The following SLX9 variants were observed in gnomAD, a reference collection of about 807,000 sequenced individuals.
SLX9 encodes the protein SLX9 ribosome biogenesis factor.
Under a neutral mutation model 20.8 loss-of-function variants are expected in SLX9, and 19 were observed. The ratio of observed to expected loss-of-function variants is 0.91; its 90% CI spans 0.64 to 1.34. The LOEUF (loss-of-function observed/expected upper bound fraction) is 1.34, where lower values mean the gene tolerates loss of function less well. Among genes scored for constraint, SLX9 ranks in the 40% most tolerant of loss-of-function variants. The pLI is 0.00. For missense variants in SLX9, 299 were observed against 322.2 expected (o/e 0.93, Z 0.55); for synonymous variants, 113 against 137.1 (o/e 0.82, Z 1.23).
chr21:44,967,710 C>T (rs894175040), intron 4 of SLX9, among the ~76,000 whole-genome samples: 8 of 152,166 alleles, frequency 5.3e-5, no homozygotes, highest in East Asian at 1.9e-4. Flanking sequence ...CCCGTGAGGA[C>T]GGCTCAGGCC....
Position 44,972,379 on chromosome 21 carries a change from C to T in SLX9, c.501-818C>T, listed in dbSNP as rs140784729. The stretch of plus-strand genomic sequence containing the variant: ...AACTGAGGGTGAGAAGCTCCGCGGG[C>T]AGCCGGAGCCTGCCTGGGGTGGACG... On this transcript the variant is annotated intron_variant, in intron 4 of 5. Coordinates refer to ENST00000291634, the MANE Select transcript of SLX9 (RefSeq NM_058190.4). 1.7e-3 allele frequency among the ~76,000 whole-genome samples: 262 copies of T among 152,332 alleles called. 5 individuals are homozygous for T. Among genetic ancestry groups the T allele is most frequent in the East Asian group, 1.4e-3 (7 of 5,180 alleles).
chr21:44,969,282 C>T (rs532843145), intron 4 of SLX9: 3 of 451,224 alleles, frequency 6.6e-6, no homozygotes, highest in African/African-American at 2.0e-5. Context: ...CCCGGAGTGG[C>T]GATGTGATGA....
intron 4 of SLX9, among the ~76,000 whole-genome samples, chr21:44,967,852 G>A (rs1437280765): frequency 6.6e-6 from 1 of 152,166 alleles, no homozygotes; most frequent in East Asian, 1.9e-4. Context: ...TGATGTGAGT[G>A]CGGTTGCTCT....
intron 3 of SLX9, among the ~76,000 whole-genome samples, chr21:44,962,185 C>T (rs1197642506): frequency 1.3e-5 from 2 of 151,988 alleles, no homozygotes; most frequent in Non-Finnish European, 1.5e-5. Context: ...ATTGTATTTA[C>T]ATAAAATGAA....
intron 2 of SLX9, among the ~76,000 whole-genome samples, chr21:44,946,146 T>G (rs988709833): frequency 3.9e-5 from 6 of 152,288 alleles, no homozygotes; most frequent in African/African-American, 7.2e-5. Flanking sequence ...CAGAACCATG[T>G]TATCAGAGTA....
chr21:44,948,246 G>A (rs1032138512), intron 2 of SLX9, among the ~76,000 whole-genome samples: 13 of 151,322 alleles, frequency 8.6e-5, no homozygotes, highest in South Asian at 4.2e-4. Flanking sequence ...CGGGCGGTCC[G>A]GGGAGCTGGT....
At chr21:44,976,037 C>T (rs1238954011) in intron 5 of SLX9, among the ~76,000 whole-genome samples, 1 of 152,264 alleles carries the variant, frequency 6.6e-6, no homozygotes, top group Non-Finnish European at 1.5e-5. Flanking sequence ...GCAGCTGCGG[C>T]AGAGCCCGTC....
At chr21:44,943,613 TA>T in intron 1 of SLX9, 70 bp from the exon 2 acceptor site, 1 of 1,584,086 alleles carries the variant, frequency 6.3e-7, no homozygotes, top group Non-Finnish European at 8.6e-7. Flanking sequence ...TCCTCACCTT[TA>T]ACGTCCCTCT....
In SLX9 at chr21:44,976,671, T is replaced by C; in HGVS notation, c.570-9T>C. 1 of 1,580,002 alleles carries C rather than the reference T, an allele frequency of 6.3e-7. No homozygotes were observed. The highest frequency in any genetic ancestry group is 1.2e-5 in the South Asian group (1 of 86,860). ...CCTGCCTGCTGATCTGTGGTCTCCA[T>C]TCTTTCAGCGAGGAAGAAAGGACCC... On this transcript the variant is annotated splice_polypyrimidine_tract_variant and intron_variant, in intron 5 of 5. Transcript: ENST00000291634.
chr21:44,942,147 G>A (rs2084561685), intron 1 of SLX9, among the ~76,000 whole-genome samples: 1 of 152,172 alleles, frequency 6.6e-6, no homozygotes, highest in East Asian at 1.9e-4. Flanking sequence ...CATGGAGAAT[G>A]TCCCAGGTAC....
chr21:44,976,568 G>C, intron 5 of SLX9, 112 bp from the exon 6 acceptor site: 1 of 1,470,402 alleles, frequency 6.8e-7, no homozygotes, highest in Non-Finnish European at 9.1e-7. Context: ...ACTCAGTCCC[G>C]TGGTGGCCCC....
At chr21:44,949,892 G>A (rs1157308312) in intron 2 of SLX9, among the ~76,000 whole-genome samples, 2 of 152,264 alleles carry the variant, frequency 1.3e-5, no homozygotes, top group South Asian at 4.2e-4. Flanking sequence ...TGGAGGGCGC[G>A]ACCTTGGCTT....
Position 44,964,451 on chromosome 21 carries a change from G to A in SLX9, c.353-2583G>A, listed in dbSNP as rs114498928. Among the ~76,000 whole-genome samples, 452 of 152,172 alleles carry A rather than the reference G, an allele frequency of 3.0e-3. 4 individuals are homozygous for A. The highest frequency in any genetic ancestry group is 0.011 in the African/African-American group (440 of 41,494). On this transcript the variant is annotated intron_variant, in intron 3 of 5. Transcript: ENST00000291634. Reference sequence around the variant, plus strand: ...AAAGTTTGTCCTTGCTGTTCCTCCCGTTGCAGGGCCCTCCCACTCCTGGAG... The same window carrying A: ...AAAGTTTGTCCTTGCTGTTCCTCCCATTGCAGGGCCCTCCCACTCCTGGAG...
At chr21:44,961,369 A>T (rs556337476) in intron 3 of SLX9, among the ~76,000 whole-genome samples, 1 of 152,352 alleles carries the variant, frequency 6.6e-6, no homozygotes, top group East Asian at 1.9e-4. Flanking sequence ...ACCTACGCCC[A>T]GGAGTTTCAG....
intron 1 of SLX9, among the ~76,000 whole-genome samples, chr21:44,942,237 C>G (rs558009205): frequency 1.3e-5 from 2 of 152,352 alleles, no homozygotes; most frequent in African/African-American, 4.8e-5. Flanking sequence ...CTTGTCCCCA[C>G]CTGGTCCCTG....
chr21:44,955,427 G>A (rs2084838692), intron 2 of SLX9, among the ~76,000 whole-genome samples: 2 of 152,184 alleles, frequency 1.3e-5, no homozygotes, highest in African/African-American at 4.8e-5. Context: ...GTGAAGTTGT[G>A]CAAAGTGGCA....
upstream of SLX9, chr21:44,939,910 C>T: frequency 1.3e-6 from 1 of 787,188 alleles, no homozygotes; most frequent in Non-Finnish European, 1.8e-6. Flanking sequence ...CCTACACCCG[C>T]GACCCTGCGC....
chr21:44,974,856 T>TC (rs968186162), intron 5 of SLX9, among the ~76,000 whole-genome samples: 24 of 152,332 alleles, frequency 1.6e-4, no homozygotes, highest in African/African-American at 5.8e-4. Context: ...TCTCCGCCTC[T>TC]CCCCAGTGCA....
In SLX9 at chr21:44,943,781, C is replaced by G; in HGVS notation, c.227C>G (p.Ser76Cys). 6.2e-7 allele frequency: 1 copy of G among 1,614,094 alleles called. No individual in the cohort carries two copies. Residue 76 changes from serine to cysteine, a missense_variant, in exon 2 of 6, where the codon TCC (serine) becomes TGC (cysteine). Physicochemically the swap from Ser to Cys is moderately radical, Grantham distance 112. Transcript: ENST00000291634. ...KLELDVRSVTSVRRGEAGSSA... is the reference protein window; with the variant it reads ...KLELDVRSVTCVRRGEAGSSA... Reference sequence around the variant, plus strand: ...GAGCTGGACGTGAGGAGTGTCACTTCCGTCAGGAGAGGTGAGGCAGGCTCG... The same window carrying G: ...GAGCTGGACGTGAGGAGTGTCACTTGCGTCAGGAGAGGTGAGGCAGGCTCG...
Sources: allele counts gnomAD v4.1 joint callset (sites outside exome capture counted in the v4.1 genomes callset), GRCh38; gene constraint gnomAD v4.1.1; transcripts MANE v1.5; gene names NCBI Gene and HGNC (gene_info 2026-07-23, HGNC 2026-07-21).